The following MDGA2 variants were observed in gnomAD, a reference collection of about 807,000 sequenced individuals.
MDGA2 encodes MAM domain containing glycosylphosphatidylinositol anchor 2.
Under a neutral mutation model 117.8 loss-of-function variants are expected in MDGA2, and 40 were observed. That is an observed-to-expected ratio of 0.34 (90% CI 0.26 to 0.44). The LOEUF is 0.44. Ranked by LOEUF, MDGA2 falls within the 20% of genes least tolerant of loss-of-function variation. MDGA2 has a pLI of 1.00. For missense variants in MDGA2, 1,123 were observed against 1,250.6 expected, an observed-to-expected ratio of 0.90 and a Z score of 1.54; for synonymous variants, 452 against 439.0, an observed-to-expected ratio of 1.03 and a Z score of -0.37.
At chr14:47,229,206 G>A (rs1304100300) in intron 2 of MDGA2, among the ~76,000 whole-genome samples, 3 of 152,040 alleles carry the variant, frequency 2.0e-5, no homozygotes, top group African/African-American at 7.2e-5. Flanking sequence ...TGGGAATTCT[G>A]AAAAAGCTCC....
intron 8 of MDGA2, among the ~76,000 whole-genome samples, chr14:46,992,776 A>C (rs1209724817): frequency 6.6e-6 from 1 of 152,170 alleles, no homozygotes; most frequent in Non-Finnish European, 1.5e-5. Flanking sequence ...ATATGCAGAG[A>C]AATTAAATTT....
intron 7 of MDGA2, among the ~76,000 whole-genome samples, chr14:47,055,002 C>T (rs796516301): frequency 4.9e-4 from 61 of 125,652 alleles, no homozygotes; most frequent in Middle Eastern, 4.7e-3. Context: ...TTTTTCTTTT[C>T]TTTTTTTTTT....
chr14:47,474,157 CA>C (rs1893787393), intron 1 of MDGA2, among the ~76,000 whole-genome samples: 1 of 152,060 alleles, frequency 6.6e-6, no homozygotes, highest in Non-Finnish European at 1.5e-5. Context: ...AGACAATGTG[CA>C]AAAATCACTA....
intron 1 of MDGA2, among the ~76,000 whole-genome samples, chr14:47,596,473 C>T (rs1489386606): frequency 3.3e-5 from 5 of 152,134 alleles, no homozygotes; most frequent in Admixed American, 3.3e-4. Context: ...TCAGGGACCA[C>T]AGTAAAAGTA....
intron 1 of MDGA2, among the ~76,000 whole-genome samples, chr14:47,546,362 G>C (rs1895463335): frequency 6.6e-6 from 1 of 152,092 alleles, no homozygotes; most frequent in Non-Finnish European, 1.5e-5. Flanking sequence ...TGGTTGCTCT[G>C]GGGAAAGATT....
chr14:47,262,576 C>G (rs1300788480), intron 2 of MDGA2, among the ~76,000 whole-genome samples: 1 of 152,128 alleles, frequency 6.6e-6, no homozygotes, highest in Non-Finnish European at 1.5e-5. Flanking sequence ...CTCCCTTACT[C>G]CATGAATTTG....
chr14:47,235,860 G>A (rs771103766), intron 2 of MDGA2, among the ~76,000 whole-genome samples: 3 of 152,086 alleles, frequency 2.0e-5, no homozygotes, highest in Non-Finnish European at 4.4e-5. Flanking sequence ...CCACATGGCT[G>A]AGCTTCATTA....
chr14:47,602,936 T>C (rs1185743727), intron 1 of MDGA2, among the ~76,000 whole-genome samples: 1 of 152,196 alleles, frequency 6.6e-6, no homozygotes, highest in Non-Finnish European at 1.5e-5. Context: ...TACGTCTGAA[T>C]GGCTAAAGTT....
intron 1 of MDGA2, among the ~76,000 whole-genome samples, chr14:47,644,364 A>G (rs866200710): frequency 6.6e-6 from 1 of 152,236 alleles, no homozygotes; most frequent in Non-Finnish European, 1.5e-5. Flanking sequence ...TGATATATAT[A>G]CAAAATGGAA....
chr14:47,280,943 AATAAT>A (rs1439195804), intron 2 of MDGA2, among the ~76,000 whole-genome samples: 6 of 148,242 alleles, frequency 4.0e-5, no homozygotes, highest in East Asian at 1.9e-4. Context: ...ATATAAACAA[AATAAT>A]ATAATATATA....
At chr14:47,603,534 G>A (rs1896685369) in intron 1 of MDGA2, among the ~76,000 whole-genome samples, 1 of 152,128 alleles carries the variant, frequency 6.6e-6, no homozygotes, top group Non-Finnish European at 1.5e-5. Flanking sequence ...ATGCTGATTA[G>A]CAAATACTTT....
At chr14:47,600,405 G>A (rs748381057) in intron 1 of MDGA2, among the ~76,000 whole-genome samples, 15 of 151,970 alleles carry the variant, frequency 9.9e-5, no homozygotes, top group Non-Finnish European at 1.8e-4. Context: ...CCACACTCCA[G>A]CTCGGATGAC....
chr14:47,582,883 G>A (rs1414363628), intron 1 of MDGA2, among the ~76,000 whole-genome samples: 1 of 151,826 alleles, frequency 6.6e-6, no homozygotes, highest in Admixed American at 6.6e-5. Context: ...CAACCTCTTT[G>A]TCAGGTTCAA....
At chr14:47,436,471 A>G (rs1174320116) in intron 1 of MDGA2, among the ~76,000 whole-genome samples, 1 of 152,096 alleles carries the variant, frequency 6.6e-6, no homozygotes, top group Non-Finnish European at 1.5e-5. Context: ...TTCATAAACT[A>G]GGAGAATGGC....
rs559490599 is a variant in MDGA2 at position 47,643,229 on chromosome 14, A to G, written c.280+31288T>C. On this transcript the variant is annotated intron_variant, in intron 1 of 16. Transcript: ENST00000399232. ...TTCTATTCATAAGCAAAAAATTTTT[A>G]AAAGGAAAATATTTTAAAGTATTAC... Among the ~76,000 whole-genome samples, 235 of 152,218 alleles carry G rather than the reference A, an allele frequency of 1.5e-3. 1 individual carries two copies. Among genetic ancestry groups the G allele is most frequent in the African/African-American group, 5.5e-3 (230 of 41,574 alleles).
chr14:47,248,063 T>A (rs1280018578), intron 2 of MDGA2, among the ~76,000 whole-genome samples: 2 of 151,692 alleles, frequency 1.3e-5, no homozygotes, highest in Non-Finnish European at 3.0e-5. Context: ...GCATTTGGAT[T>A]GGTTCCAAGT....
chr14:47,232,382 ATAT>A (rs1458920202), intron 2 of MDGA2, among the ~76,000 whole-genome samples: 4 of 151,848 alleles, frequency 2.6e-5, no homozygotes, highest in African/African-American at 9.7e-5. Context: ...AAGTGCTGTG[ATAT>A]TATTCTGTAT....
At chr14:47,444,811 G>A (rs563845764) in intron 1 of MDGA2, among the ~76,000 whole-genome samples, 10 of 152,216 alleles carry the variant, frequency 6.6e-5, no homozygotes, top group African/African-American at 2.2e-4. Context: ...TGCACTCCAT[G>A]AGAGGTCACT....
intron 1 of MDGA2, among the ~76,000 whole-genome samples, chr14:47,534,112 T>C (rs1049588650): frequency 9.9e-5 from 15 of 152,142 alleles, no homozygotes; most frequent in African/African-American, 1.4e-4. Context: ...GGGTGAGACA[T>C]GGGGCTCAAT....
Sources: allele counts gnomAD v4.1 joint callset (sites outside exome capture counted in the v4.1 genomes callset), GRCh38; gene constraint gnomAD v4.1.1; transcripts MANE v1.5; gene names NCBI Gene and HGNC (gene_info 2026-07-23, HGNC 2026-07-21).